KITLG: variants seen among roughly 807,000 people sequenced by gnomAD.
KITLG encodes the protein KIT ligand.
In KITLG, 13 loss-of-function variants were observed where a neutral mutation model predicts 34.1. That is an observed-to-expected ratio of 0.38 (90% confidence interval 0.25 to 0.61). KITLG has a LOEUF of 0.61. Among genes scored for constraint, KITLG ranks in the 20% least tolerant of loss-of-function variants. KITLG has a pLI of 0.60. For synonymous variants in KITLG, 110 were observed against 104.0 expected (o/e 1.06, Z -0.35); for missense variants, 292 against 318.9 (o/e 0.92, Z 0.64).
At position 88,544,475 on chromosome 12, in the gene KITLG, A is replaced by G. The variant is rs1272774112; in HGVS notation, c.129+1277T>C. 2.0e-5 allele frequency among the ~76,000 whole-genome samples: 3 copies of G among 150,184 alleles called. No homozygotes were observed. In the East Asian group the frequency reaches 5.9e-4, roughly 29 times the overall value. On this transcript the variant is annotated intron_variant, in intron 2 of 9. Coordinates refer to ENST00000644744, the MANE Select transcript of KITLG (RefSeq NM_000899.5). Reference sequence around the variant, plus strand: ...TCACAAACTAACAAGCAACTCAAGGAAAAAAAACATGATCTATTTTTAAAC... The same window carrying G: ...TCACAAACTAACAAGCAACTCAAGGGAAAAAAACATGATCTATTTTTAAAC...
chr12:88,537,818 G>A (rs538982466), intron 2 of KITLG, among the ~76,000 whole-genome samples: 2 of 152,174 alleles, frequency 1.3e-5, no homozygotes, highest in African/African-American at 4.8e-5. Flanking sequence ...ATATCACTGT[G>A]GAAAGTTTCA....
chr12:88,527,851 A>C (rs1869935783), intron 3 of KITLG, among the ~76,000 whole-genome samples: 1 of 152,178 alleles, frequency 6.6e-6, no homozygotes, highest in South Asian at 2.1e-4. Flanking sequence ...AACATCAATC[A>C]AATGTTGCAA....
chr12:88,529,073 A>T (rs1007393295), intron 3 of KITLG, among the ~76,000 whole-genome samples: 1 of 152,228 alleles, frequency 6.6e-6, no homozygotes, highest in Admixed American at 6.6e-5. Flanking sequence ...TTTGATCATT[A>T]CACACTGTAT....
intron 3 of KITLG, among the ~76,000 whole-genome samples, chr12:88,524,286 T>C (rs1435835034): frequency 1.3e-5 from 2 of 152,208 alleles, no homozygotes; most frequent in African/African-American, 2.4e-5. Context: ...GAAAAGTCAA[T>C]AATATCACCC....
intron 3 of KITLG, among the ~76,000 whole-genome samples, chr12:88,519,152 G>A (rs886214928): frequency 5.9e-5 from 9 of 152,076 alleles, no homozygotes; most frequent in Admixed American, 3.3e-4. Context: ...ATGAACCACC[G>A]TGCCTGGCCA....
chr12:88,537,168 T>C (rs1870350686), intron 2 of KITLG, among the ~76,000 whole-genome samples: 1 of 152,040 alleles, frequency 6.6e-6, no homozygotes, highest in South Asian at 2.1e-4. Context: ...AATAAACCCA[T>C]GCATTTGTAC....
intron 1 of KITLG, among the ~76,000 whole-genome samples, chr12:88,561,268 C>A (rs905631123): frequency 6.6e-6 from 1 of 152,156 alleles, no homozygotes; most frequent in African/African-American, 2.4e-5. Flanking sequence ...AAATAATACA[C>A]CTTTATAAAT....
chr12:88,503,047 T>A (rs1459775204), intron 9 of KITLG, among the ~76,000 whole-genome samples: 4 of 152,138 alleles, frequency 2.6e-5, no homozygotes, highest in African/African-American at 4.8e-5. Flanking sequence ...TCCATTTACA[T>A]TATTTGACAG....
chr12:88,553,912 G>A (rs1871010332), intron 1 of KITLG, among the ~76,000 whole-genome samples: 1 of 152,172 alleles, frequency 6.6e-6, no homozygotes, highest in Admixed American at 6.5e-5. Context: ...AGTCTGGGGT[G>A]GGAGGGATTT....
At chr12:88,521,047 G>T (rs1419648734) in intron 3 of KITLG, among the ~76,000 whole-genome samples, 1 of 152,068 alleles carries the variant, frequency 6.6e-6, no homozygotes, top group Non-Finnish European at 1.5e-5. Context: ...GAAAAATCGT[G>T]TATTTCTAAA....
intron 9 of KITLG, among the ~76,000 whole-genome samples, chr12:88,501,006 C>T (rs547760119): frequency 6.6e-6 from 1 of 152,194 alleles, no homozygotes; most frequent in South Asian, 2.1e-4. Flanking sequence ...TCTCGAACTC[C>T]TGGGCTCAAG....
At chr12:88,533,224 T>G (rs188326962) in intron 2 of KITLG, among the ~76,000 whole-genome samples, 55 of 152,306 alleles carry the variant, frequency 3.6e-4, no homozygotes, top group South Asian at 4.1e-4. Flanking sequence ...ACGTCTGACT[T>G]ACTTACATCA....
chr12:88,498,188 ATC>A (rs925557688), intron 9 of KITLG, among the ~76,000 whole-genome samples: 5 of 152,234 alleles, frequency 3.3e-5, no homozygotes, highest in Admixed American at 2.0e-4. Flanking sequence ...TCTCTGCTCA[ATC>A]TCTTTCACTA....
At chr12:88,501,625 G>A (rs1392008882) in intron 9 of KITLG, among the ~76,000 whole-genome samples, 1 of 152,110 alleles carries the variant, frequency 6.6e-6, no homozygotes, top group African/African-American at 2.4e-5. Context: ...GTAGTCAATA[G>A]ATGATTACAA....
chr12:88,546,362 G>T (rs1017605580), intron 1 of KITLG, among the ~76,000 whole-genome samples: 4 of 152,158 alleles, frequency 2.6e-5, no homozygotes, highest in Non-Finnish European at 5.9e-5. Context: ...AGACCTAAGA[G>T]AATTCCACTG....
rs577768728 is a variant in KITLG, at chr12:88,544,530, C to G, written c.129+1222G>C. 1.4e-4 allele frequency among the ~76,000 whole-genome samples: 21 copies of G among 151,796 alleles called. No individual in the cohort carries two copies. In the East Asian group the frequency reaches 4.1e-3, roughly 29 times the overall value. Reference sequence around the variant, plus strand: ...TGTTTTTAAAAAAAAAAAAGTACTCCCCCCTCACCCCCATCCCTATACACA... The same window carrying G: ...TGTTTTTAAAAAAAAAAAAGTACTCGCCCCTCACCCCCATCCCTATACACA... On this transcript the variant is annotated intron_variant, in intron 2 of 9. Transcript: ENST00000644744.
chr12:88,523,661 T>G (rs1464556223), intron 3 of KITLG, among the ~76,000 whole-genome samples: 1 of 152,238 alleles, frequency 6.6e-6, no homozygotes, highest in Non-Finnish European at 1.5e-5. Flanking sequence ...GCTGACATTC[T>G]ACTCTCAAAC....
intron 2 of KITLG, among the ~76,000 whole-genome samples, chr12:88,542,863 A>C (rs1327122162): frequency 6.6e-6 from 1 of 152,152 alleles, no homozygotes. Flanking sequence ...TACTTTAAAC[A>C]TATTTTGGAG....
chr12:88,510,432 A>G (rs1869233704), intron 6 of KITLG, among the ~76,000 whole-genome samples: 1 of 152,074 alleles, frequency 6.6e-6, no homozygotes. Context: ...ACTCACAGAA[A>G]CTCTGTGAAG....
Sources: allele counts gnomAD v4.1 joint callset (sites outside exome capture counted in the v4.1 genomes callset), GRCh38; gene constraint gnomAD v4.1.1; transcripts MANE v1.5; gene names NCBI Gene and HGNC (gene_info 2026-07-23, HGNC 2026-07-21).